Variants in SASH1 observed in about 807,000 individuals in gnomAD.
SASH1 encodes the protein SAM and SH3 domain containing 1.
SASH1 carries 44 observed loss-of-function variants against 125.2 expected under a neutral mutation model. The observed-to-expected ratio is 0.35, with a 90% CI of 0.28 to 0.45. The LOEUF (loss-of-function observed/expected upper bound fraction) is 0.45, where lower values mean the gene tolerates loss of function less well. Among genes scored for constraint, SASH1 ranks in the 20% least tolerant of loss-of-function variants. The probability of loss-of-function intolerance (pLI) is 1.00; values close to 1 mark genes in which losing one functional copy is unlikely to be tolerated. For synonymous variants in SASH1, 639 were observed against 649.1 expected (o/e 0.98, Z 0.24); for missense variants, 1,426 against 1,614.5 (o/e 0.88, Z 2.00).
chr6:148,293,660 A>T (rs1325085460), intron 1 of SASH1, among the ~76,000 whole-genome samples: 1 of 152,130 alleles, frequency 6.6e-6, no homozygotes. Context: ...TGATGCCAGG[A>T]TCTAAATTTT....
intron 2 of SASH1, among the ~76,000 whole-genome samples, chr6:148,399,120 T>C (rs1332064708): frequency 6.6e-6 from 1 of 151,816 alleles, no homozygotes; most frequent in Non-Finnish European, 1.5e-5. Flanking sequence ...GTTTGTGCAC[T>C]TGCGGAAACC....
intron 1 of SASH1, among the ~76,000 whole-genome samples, chr6:148,387,951 T>C (rs1379904534): frequency 1.4e-5 from 2 of 141,562 alleles, no homozygotes; most frequent in Non-Finnish European, 3.0e-5. Context: ...GTTTCACTCT[T>C]GTTGCCCAGG....
chr6:148,535,197 G>A (rs1781768346), intron 16 of SASH1, among the ~76,000 whole-genome samples: 1 of 152,214 alleles, frequency 6.6e-6, no homozygotes, highest in African/African-American at 2.4e-5. Context: ...GTGCAGACAT[G>A]GGAACAAAAG....
chr6:148,340,782 A>G (rs1352057688), upstream of SASH1, among the ~76,000 whole-genome samples: 2 of 152,156 alleles, frequency 1.3e-5, no homozygotes, highest in South Asian at 4.1e-4. Context: ...CTACTTCAAC[A>G]CAATGCCTCA....
chr6:148,438,056 G>A lies in SASH1; in HGVS notation c.286-2128G>A, dbSNP rs566648662. Reference sequence around the variant, plus strand: ...AGAGCTTGAAGAAAAGGTAAAAATGGAGGAGGGGAGGTGAATTGAACCAGT... The same window carrying A: ...AGAGCTTGAAGAAAAGGTAAAAATGAAGGAGGGGAGGTGAATTGAACCAGT... On this transcript the variant is annotated intron_variant, in intron 2 of 19. Transcript: ENST00000367467. 3.3e-5 allele frequency among the ~76,000 whole-genome samples: 5 copies of A among 152,262 alleles called. No individual in the cohort carries two copies. In the South Asian group the frequency reaches 1.0e-3, roughly 32 times the overall value.
At chr6:148,359,626 T>C (rs2114699724) in intron 1 of SASH1, among the ~76,000 whole-genome samples, 1 of 152,226 alleles carries the variant, frequency 6.6e-6, no homozygotes, top group South Asian at 2.1e-4. Context: ...AGTATCAGAG[T>C]TTAAGAGGAT....
intron 1 of SASH1, among the ~76,000 whole-genome samples, chr6:148,354,369 A>C (rs1365496713): frequency 2.0e-5 from 3 of 152,164 alleles, no homozygotes; most frequent in Non-Finnish European, 4.4e-5. Context: ...TAGTTTACTT[A>C]TTTAGAAACA....
At chr6:148,375,223 C>G (rs1002056084) in intron 1 of SASH1, among the ~76,000 whole-genome samples, 5 of 151,836 alleles carry the variant, frequency 3.3e-5, no homozygotes, top group African/African-American at 1.2e-4. Flanking sequence ...AACTCCTGAG[C>G]TCAAATGATC....
chr6:148,382,184 G>A (rs1202010838), intron 1 of SASH1, among the ~76,000 whole-genome samples: 2 of 152,212 alleles, frequency 1.3e-5, no homozygotes, highest in Non-Finnish European at 2.9e-5. Context: ...CTTCCACATG[G>A]TGTCACTGAT....
upstream of SASH1, among the ~76,000 whole-genome samples, chr6:148,269,139 T>A (rs1223992113): frequency 1.3e-5 from 2 of 152,234 alleles, no homozygotes; most frequent in African/African-American, 4.8e-5. Context: ...TGTTTACATT[T>A]GGAAAAAGTC....
chr6:148,255,118 T>C, the SASH1 span, among the ~76,000 whole-genome samples: 34 of 152,288 alleles, frequency 2.2e-4, no homozygotes, highest in African/African-American at 8.2e-4. Context: ...AAGGGCCACA[T>C]ATTGCATGAG....
chr6:148,518,393 T>G (rs1038717791), intron 9 of SASH1, among the ~76,000 whole-genome samples: 26 of 152,186 alleles, frequency 1.7e-4, no homozygotes, highest in Non-Finnish European at 3.5e-4. Flanking sequence ...TTGTTGTTGT[T>G]GTTAGATTTG....
At chr6:148,386,313 C>T (rs1583061870) in intron 1 of SASH1, among the ~76,000 whole-genome samples, 5 of 152,328 alleles carry the variant, frequency 3.3e-5, no homozygotes, top group Admixed American at 3.3e-4. Flanking sequence ...TTGGACAAAG[C>T]TATATTAATA....
intron 1 of SASH1, among the ~76,000 whole-genome samples, chr6:148,275,604 A>G (rs1779163013): frequency 6.6e-6 from 1 of 152,192 alleles, no homozygotes; most frequent in Non-Finnish European, 1.5e-5. Context: ...ACCTTCCAAA[A>G]TTCCAAGGAC....
At chr6:148,505,872 G>A (rs905212354) in intron 8 of SASH1, among the ~76,000 whole-genome samples, 7 of 151,768 alleles carry the variant, frequency 4.6e-5, no homozygotes, top group Non-Finnish European at 5.9e-5. Context: ...TCCTGACCTC[G>A]TGATCCGCCC....
At chr6:148,297,176 C>T (rs539982815) in intron 1 of SASH1, among the ~76,000 whole-genome samples, 4 of 152,280 alleles carry the variant, frequency 2.6e-5, no homozygotes, top group East Asian at 3.9e-4. Context: ...GCATGGTGCA[C>T]GCTGTCGCGG....
intron 1 of SASH1, among the ~76,000 whole-genome samples, chr6:148,319,780 C>G (rs1027431807): frequency 1.3e-5 from 2 of 152,174 alleles, no homozygotes; most frequent in African/African-American, 4.8e-5. Flanking sequence ...TCCCAAAGTA[C>G]TGGGATTACA....
intron 1 of SASH1, among the ~76,000 whole-genome samples, chr6:148,300,409 AAACAAAC>A (rs1779906378): frequency 7.4e-6 from 1 of 135,274 alleles, no homozygotes; most frequent in Admixed American, 8.0e-5. Flanking sequence ...CTGGTCAAAC[AAACAAAC>A]AACAACTTTA....
chr6:148,271,319 C>T (rs1779057764), upstream of SASH1, among the ~76,000 whole-genome samples: 1 of 152,126 alleles, frequency 6.6e-6, no homozygotes, highest in East Asian at 1.9e-4. Context: ...AATACTAACC[C>T]TAATGTTCCT....
Sources: gnomAD v4.1 joint callset for allele counts (sites outside exome capture counted in the v4.1 genomes callset) on GRCh38, gnomAD v4.1.1 for gene constraint, MANE v1.5 for transcripts, NCBI Gene and HGNC (gene_info 2026-07-23, HGNC 2026-07-21) for gene names.